The following DLC1 variants were observed in gnomAD, a reference collection of about 807,000 sequenced individuals.
The protein encoded by DLC1 is rho GTPase-activating protein 7.
In DLC1, 54 loss-of-function variants were observed where a neutral mutation model predicts 140.3. The ratio of observed to expected loss-of-function variants is 0.38; its 90% CI spans 0.31 to 0.48. The LOEUF is 0.48. Among genes scored for constraint, DLC1 ranks in the 20% least tolerant of loss-of-function variants. The pLI is 0.96. For synonymous variants in DLC1, 986 were observed against 728.1 expected, an observed-to-expected ratio of 1.35 and a Z score of -5.70; for missense variants, 2,536 against 1,907.0, an observed-to-expected ratio of 1.33 and a Z score of -6.14.
chr8:13,172,251 C>A (rs528785106), intron 5 of DLC1, among the ~76,000 whole-genome samples: 1 of 152,326 alleles, frequency 6.6e-6, no homozygotes, highest in South Asian at 2.1e-4. Flanking sequence ...ATATTTTCAA[C>A]CTCACTAATG....
At chr8:13,399,760 G>T (rs1301769551) in intron 3 of DLC1, among the ~76,000 whole-genome samples, 1 of 152,142 alleles carries the variant, frequency 6.6e-6, no homozygotes, top group Non-Finnish European at 1.5e-5. Context: ...TTATGTTAAA[G>T]ACATCCTTAA....
chr8:13,545,473 C>T (rs1415658711), intron 1 of DLC1, among the ~76,000 whole-genome samples: 2 of 152,030 alleles, frequency 1.3e-5, no homozygotes, highest in Non-Finnish European at 2.9e-5. Context: ...AACTGGGCCC[C>T]AGAGTAGCTT....
At chr8:13,140,511 G>A (rs1474200702) in intron 5 of DLC1, among the ~76,000 whole-genome samples, 1 of 151,224 alleles carries the variant, frequency 6.6e-6, no homozygotes, top group African/African-American at 2.4e-5. Flanking sequence ...GGGATTACAG[G>A]TTGAGCCACA....
At chr8:13,166,910 T>A (rs965880976) in intron 5 of DLC1, among the ~76,000 whole-genome samples, 2 of 152,070 alleles carry the variant, frequency 1.3e-5, no homozygotes, top group African/African-American at 4.8e-5. Flanking sequence ...AAATACCTTA[T>A]TTTTTTGGAG....
At chr8:13,107,549 T>C (rs932699050) in intron 7 of DLC1, among the ~76,000 whole-genome samples, 2 of 152,226 alleles carry the variant, frequency 1.3e-5, no homozygotes, top group Non-Finnish European at 2.9e-5. Context: ...CTATAAAAAG[T>C]CTGTCAGTCT....
At chr8:13,478,889 A>C (rs1304602486) in intron 2 of DLC1, among the ~76,000 whole-genome samples, 2 of 152,248 alleles carry the variant, frequency 1.3e-5, no homozygotes, top group African/African-American at 4.8e-5. Flanking sequence ...AGATGCTCCC[A>C]CAAAAACTTG....
Position 13,405,630 on chromosome 8 carries a change from C to T in DLC1, c.1024-4011G>A. On this transcript the variant is annotated intron_variant, in intron 2 of 17. Coordinates refer to ENST00000276297, the MANE Select transcript of DLC1 (RefSeq NM_182643.3). ...CATGTTGGTTTCCCTCCATGTTAAA[C>T]ATTTTAAATTTTATGCCCACTTGGG... Among the ~76,000 whole-genome samples the T allele has an allele frequency of 1.3e-5, 2 of 152,132 alleles. 1 individual carries two copies. Among genetic ancestry groups the T allele is most frequent in the Admixed American group, 1.3e-4 (2 of 15,272 alleles).
At chr8:13,185,899 A>T (rs1053214486) in intron 5 of DLC1, among the ~76,000 whole-genome samples, 1 of 152,146 alleles carries the variant, frequency 6.6e-6, no homozygotes, top group Non-Finnish European at 1.5e-5. Context: ...TTTCTCCTTC[A>T]TGTATGAAGC....
At chr8:13,456,989 G>A (rs1324680699) in intron 2 of DLC1, among the ~76,000 whole-genome samples, 1 of 152,208 alleles carries the variant, frequency 6.6e-6, no homozygotes, top group African/African-American at 2.4e-5. Flanking sequence ...ACGTCCAGTT[G>A]TAGAACACAA....
In DLC1 at chr8:13,457,027, T is replaced by C. The variant is rs183676157; in HGVS notation, c.1023+42022A>G. ...TTCATTACCACTTAGATAATCTGTA[T>C]TACATTGACAAATTGGATTTAAAAA... On this transcript the variant is annotated intron_variant, in intron 2 of 17. Transcript: ENST00000276297. Among the ~76,000 whole-genome samples, 118 of 152,348 alleles carry C rather than the reference T, an allele frequency of 7.7e-4. No individual in the cohort carries two copies. In the South Asian group the frequency reaches 0.013, roughly 17 times the overall value.
chr8:13,416,713 C>T (rs189856842), intron 2 of DLC1, among the ~76,000 whole-genome samples: 1 of 152,086 alleles, frequency 6.6e-6, no homozygotes, highest in Non-Finnish European at 1.5e-5. Context: ...TTTGTATATT[C>T]TAGTATAGTG....
At position 13,545,580 on chromosome 8, in the gene DLC1, T is replaced by C. The variant is rs190580923; in HGVS notation, c.-125-45384A>G. The stretch of plus-strand genomic sequence containing the variant: ...TTGTAAATTGAATTCGTGGTGTTGT[T>C]GAACTCTATTTGTGTAATATACTTT... On this transcript the variant is annotated intron_variant, in intron 1 of 1. Coordinates refer to the DLC1 transcript ENST00000631382. Among the ~76,000 whole-genome samples, 489 of 152,256 alleles carry C rather than the reference T, an allele frequency of 3.2e-3. 3 individuals are homozygous for C. Among genetic ancestry groups the C allele is most frequent in the African/African-American group, 0.011 (466 of 41,576 alleles).
At chr8:13,154,659 G>A (rs79712724) in intron 5 of DLC1, among the ~76,000 whole-genome samples, 18 of 152,308 alleles carry the variant, frequency 1.2e-4, no homozygotes, top group African/African-American at 3.6e-4. Context: ...GTGCAGCAGC[G>A]GGCTGAAGGG....
chr8:13,210,738 T>G (rs1223608632), intron 5 of DLC1, among the ~76,000 whole-genome samples: 3 of 152,218 alleles, frequency 2.0e-5, no homozygotes, highest in Non-Finnish European at 4.4e-5. Flanking sequence ...TTCAGTGACT[T>G]GATAGTTAAA....
At chr8:13,378,197 C>T (rs1348101365) in intron 4 of DLC1, among the ~76,000 whole-genome samples, 1 of 143,178 alleles carries the variant, frequency 7.0e-6, no homozygotes, top group African/African-American at 2.6e-5. Flanking sequence ...TGCACATGTA[C>T]CCTAAAACTT....
chr8:13,476,934 T>G (rs932216723), intron 2 of DLC1, among the ~76,000 whole-genome samples: 1 of 152,176 alleles, frequency 6.6e-6, no homozygotes, highest in African/African-American at 2.4e-5. Flanking sequence ...GTAAGTGAAT[T>G]TTTTTCTCTT....
intron 5 of DLC1, among the ~76,000 whole-genome samples, chr8:13,193,776 A>G (rs950553312): frequency 1.3e-5 from 2 of 152,188 alleles, no homozygotes; most frequent in African/African-American, 4.8e-5. Context: ...AAGAATGCCA[A>G]CAAGTTGTAA....
chr8:13,147,863 C>T (rs1585769691), intron 5 of DLC1, among the ~76,000 whole-genome samples: 1 of 152,220 alleles, frequency 6.6e-6, no homozygotes, highest in African/African-American at 2.4e-5. Context: ...TGGCAGGCGC[C>T]TGTAGTTCCA....
chr8:13,447,738 A>C (rs772271722), intron 2 of DLC1, among the ~76,000 whole-genome samples: 1 of 152,184 alleles, frequency 6.6e-6, no homozygotes, highest in African/African-American at 2.4e-5. Context: ...ATTTGCTTCT[A>C]TGCTGGAGTA....
Sources: gnomAD v4.1 joint callset for allele counts (sites outside exome capture counted in the v4.1 genomes callset) on GRCh38, gnomAD v4.1.1 for gene constraint, MANE v1.5 for transcripts, NCBI Gene and HGNC (gene_info 2026-07-23, HGNC 2026-07-21) for gene names.